Variants in HS3ST6 observed in about 807,000 individuals in gnomAD.
The protein encoded by HS3ST6 is heparan sulfate-glucosamine 3-sulfotransferase 6.
A neutral mutation model predicts 11.0 loss-of-function variants in HS3ST6; 13 were observed. The observed-to-expected ratio is 1.18, with a 90% confidence interval of 0.77 to 1.88. The LOEUF is 1.88. HS3ST6 is among the 40% of genes most tolerant of loss of function. The probability of loss-of-function intolerance (pLI) is 0.00; values close to 1 mark genes in which losing one functional copy is unlikely to be tolerated. For missense variants in HS3ST6, 541 were observed against 494.4 expected, an observed-to-expected ratio of 1.09 and a Z score of -0.89; for synonymous variants, 232 against 230.6, an observed-to-expected ratio of 1.01 and a Z score of -0.06.
In HS3ST6 at chr16:1,911,645, C is replaced by G; in HGVS notation, c.974G>C (p.Arg325Pro). ...ALVRRLQEFY[R>P]PFNRRFYQMT... ...CTGGTAGAACCTGCGGTTGAAGGGC[C>G]GGTAGAACTCCTGCAGGCGCCGGAC... The change falls in exon 2 of 2, where the codon CGG becomes CCG. Residue 325 changes from arginine to proline, a missense_variant. Coordinates refer to ENST00000454677, the MANE Select transcript of HS3ST6 (RefSeq NM_001009606.4). 1 of 1,609,516 alleles carries G rather than the reference C, an allele frequency of 6.2e-7. No individual in the cohort carries two copies. The highest frequency in any genetic ancestry group is 1.1e-5 in the South Asian group (1 of 90,628).
At position 1,912,043 on chromosome 16, in the gene HS3ST6, G is replaced by T; in HGVS notation, c.576C>A (p.Ala192=). 6.6e-7 allele frequency: 1 copy of T among 1,520,342 alleles called. No homozygotes were observed. Among genetic ancestry groups the T allele is most frequent in the Non-Finnish European group, 8.8e-7 (1 of 1,135,998 alleles). The allele number at this position is 1,520,342 out of a possible 1,614,324, so 94.2% of individuals were successfully genotyped here. A position where few individuals can be genotyped will look rare whatever the true frequency, so the allele number is the denominator to read the frequency against. The change falls in exon 2 of 2, where the codon GCC becomes GCA. Residue 192 remains alanine (A), a synonymous_variant. Coordinates refer to ENST00000454677, the MANE Select transcript of HS3ST6 (RefSeq NM_001009606.4). This position sits in a 1 kb window ranked among gnomAD's most constrained non-coding sequence, Gnocchi z 5.6. ...NPVTRAISDY[A]QTLSKTPGLP... ...GGCCCGGGGTCTTGGAGAGCGTCTGGGCGTAGTCGGAGATGGCCCGGGTCA... is the reference window on the plus strand; with the variant it reads ...GGCCCGGGGTCTTGGAGAGCGTCTGTGCGTAGTCGGAGATGGCCCGGGTCA...
upstream of HS3ST6, among the ~76,000 whole-genome samples, chr16:1,920,280 A>C (rs1183922156): frequency 3.7e-4 from 51 of 136,212 alleles, 1 homozygote; most frequent in African/African-American, 1.4e-3. Context: ...CCACGGTCTC[A>C]GGAGCCCCCA....
upstream of HS3ST6, among the ~76,000 whole-genome samples, chr16:1,919,481 C>T (rs1042895713): frequency 1.2e-4 from 18 of 152,226 alleles, no homozygotes; most frequent in East Asian, 5.8e-4. Context: ...GTATGAGACC[C>T]GGGTCCTCTC....
chr16:1,913,626 C>G (rs911876080), intron 1 of HS3ST6, among the ~76,000 whole-genome samples: 3 of 152,176 alleles, frequency 2.0e-5, no homozygotes, highest in Non-Finnish European at 2.9e-5. Context: ...CCAGTCACGC[C>G]CAGCCCTGAC....
rs904611195 is a variant in HS3ST6, at chr16:1,912,795, CTTTA to C, written c.414-594_414-591del. On this transcript the variant is annotated intron_variant, in intron 1 of 1. Coordinates refer to ENST00000454677, the MANE Select transcript of HS3ST6 (RefSeq NM_001009606.4). This position sits in a 1 kb window ranked among gnomAD's most constrained non-coding sequence, Gnocchi z 5.6. ...CTGATGTAATTACATCTCTTCCCAT[CTTTA>C]TTTATTTTTTGAGACGGAGTCTTGC... Among the ~76,000 whole-genome samples the C allele has an allele frequency of 3.9e-5, 6 of 152,128 alleles. No homozygotes were observed. Among genetic ancestry groups the C allele is most frequent in the African/African-American group, 1.2e-4 (5 of 41,528 alleles).
chr16:1,911,944 G>A lies in HS3ST6; in HGVS notation c.675C>T (p.Ile225=), dbSNP rs760591748. The change falls in exon 2 of 2, where the codon ATC becomes ATT. Residue 225 remains isoleucine, a synonymous_variant. Transcript: ENST00000454677. ...GGTCCAGGTGCTGGGCGTACAGGCC[G>A]ATGCGGACGGCGCTCCAGGCTGTGT... ...PVDTAWSAVR[I]GLYAQHLDHW... is the part of the protein sequence containing the mutation. 8.2e-6 allele frequency: 13 copies of A among 1,585,170 alleles called. No homozygotes were observed. Among genetic ancestry groups the A allele is most frequent in the Middle Eastern group, 1.7e-4 (1 of 5,946 alleles).
rs1213174627 is a variant in HS3ST6 at position 1,918,009 on chromosome 16, G to C, written c.315C>G (p.Ala105=). 5 of 1,543,688 alleles carry C rather than the reference G, an allele frequency of 3.2e-6. No homozygotes were observed. In the Admixed American group the frequency reaches 9.6e-5, roughly 30 times the overall value. ...IVGVKKGGTR[A]LLEFLRLHPD... is the part of the protein sequence containing the mutation. Reference sequence around the variant, plus strand: ...GGTGCAGCCGCAGAAACTCCAGCAGGGCGCGCGTGCCGCCCTTCTTCACGC... The same window carrying C: ...GGTGCAGCCGCAGAAACTCCAGCAGCGCGCGCGTGCCGCCCTTCTTCACGC... Residue 105 remains alanine, a synonymous_variant, in exon 1 of 2, where the codon GCC becomes GCG. Coordinates refer to ENST00000454677, the MANE Select transcript of HS3ST6 (RefSeq NM_001009606.4). The surrounding 1 kb of genome is among the most constrained non-coding windows in gnomAD (Gnocchi z 6.0).
chr16:1,911,621 T>TGG lies in HS3ST6; in HGVS notation c.996_997dup (p.Gln333ProfsTer3). On this transcript the variant is annotated frameshift_variant, in exon 2 of 2. Coordinates refer to ENST00000454677, the MANE Select transcript of HS3ST6 (RefSeq NM_001009606.4). LOFTEE classifies it high-confidence loss of function. ...CCAGCCGAAGTCCTGGCCCGTCATC[T>TGG]GGTAGAACCTGCGGTTGAAGGGCCG... 2 of 1,607,682 alleles carry TGG rather than the reference T, an allele frequency of 1.2e-6. No homozygotes were observed. The highest frequency in any genetic ancestry group is 1.7e-6 in the Non-Finnish European group (2 of 1,177,264).
rs1163718732 is a variant in HS3ST6, at chr16:1,912,627, C to A, written c.414-422G>T. Among the ~76,000 whole-genome samples, 2 of 152,084 alleles carry A rather than the reference C, an allele frequency of 1.3e-5. No homozygotes were observed. Among genetic ancestry groups the A allele is most frequent in the African/African-American group, 4.8e-5 (2 of 41,424 alleles). ...CCCCAGCTCCTTTCTCATCCCAGAC[C>A]AAGTACCCCGAGGCCCGCCCGCCTA... On this transcript the variant is annotated intron_variant, in intron 1 of 1. Transcript: ENST00000454677. The surrounding 1 kb of genome is among the most constrained non-coding windows in gnomAD (Gnocchi z 5.6).
upstream of HS3ST6, among the ~76,000 whole-genome samples, chr16:1,919,707 A>G (rs1158574866): frequency 2.0e-5 from 3 of 152,184 alleles, no homozygotes; most frequent in Non-Finnish European, 2.9e-5. Context: ...ACCCACAGAC[A>G]TTCCGGAGCT....
upstream of HS3ST6, among the ~76,000 whole-genome samples, chr16:1,920,434 G>C (rs1399071699): frequency 6.6e-6 from 1 of 151,794 alleles, no homozygotes; most frequent in African/African-American, 2.4e-5. Context: ...CATCCCCACG[G>C]TCTCAGCCGT....
rs748783287 is a variant in HS3ST6 at position 1,911,778 on chromosome 16, T to A, written c.841A>T (p.Asn281Tyr). 1 of 1,613,778 alleles carries A rather than the reference T, an allele frequency of 6.2e-7. No homozygotes were observed. The highest frequency in any genetic ancestry group is 8.5e-7 in the Non-Finnish European group (1 of 1,179,824). The change falls in exon 2 of 2, where the codon AAC becomes TAC. Residue 281 changes from asparagine (N) to tyrosine (Y), a missense_variant. Coordinates refer to ENST00000454677, the MANE Select transcript of HS3ST6 (RefSeq NM_001009606.4). ...AGGCAGGGGAAGCCCTTGGTGGCGT[T>A]GAAGTAGAAGTGCTTGTCCGTGACG... ...RVVTDKHFYF[N>Y]ATKGFPCLKK... is the part of the protein sequence containing the mutation.
chr16:1,918,887 G>T (rs970026409), upstream of HS3ST6, among the ~76,000 whole-genome samples: 1 of 152,212 alleles, frequency 6.6e-6, no homozygotes, highest in African/African-American at 2.4e-5. The surrounding 1 kb of genome is among the most constrained non-coding windows in gnomAD (Gnocchi z 6.0). Context: ...TGCCAAGGGA[G>T]AAAGAGGCCG....
upstream of HS3ST6, among the ~76,000 whole-genome samples, chr16:1,920,700 G>A (rs1406809479): frequency 6.6e-6 from 1 of 152,156 alleles, no homozygotes; most frequent in Non-Finnish European, 1.5e-5. Context: ...CAGGGAGAGA[G>A]AGATGCAGGG....
intron 1 of HS3ST6, among the ~76,000 whole-genome samples, chr16:1,913,210 C>T (rs1157306187): frequency 6.6e-6 from 1 of 152,236 alleles, no homozygotes; most frequent in South Asian, 2.1e-4. Context: ...GACGTGGCGG[C>T]GCCGGCCGGA....
At position 1,912,747 on chromosome 16, in the gene HS3ST6, G is replaced by A. The variant is rs190543252; in HGVS notation, c.414-542C>T. 6.3e-4 allele frequency among the ~76,000 whole-genome samples: 96 copies of A among 151,378 alleles called. No individual in the cohort carries two copies. The highest frequency in any genetic ancestry group is 1.9e-3 in the Admixed American group (29 of 15,234). ...GACAGTGTGTCCTCAACCAAAAGTA[G>A]TCCTCCCTGCTCCCTCCCTCCCCTG... is the stretch of plus-strand genomic sequence containing the variant. On this transcript the variant is annotated intron_variant, in intron 1 of 1. Coordinates refer to ENST00000454677, the MANE Select transcript of HS3ST6 (RefSeq NM_001009606.4). This position sits in a 1 kb window ranked among gnomAD's most constrained non-coding sequence, Gnocchi z 5.6.
At chr16:1,913,245 G>A (rs1055563773) in intron 1 of HS3ST6, among the ~76,000 whole-genome samples, 6 of 152,220 alleles carry the variant, frequency 3.9e-5, no homozygotes, top group Non-Finnish European at 7.3e-5. Flanking sequence ...ACCCTGGGCC[G>A]CTGTGGCCCC....
intron 1 of HS3ST6, among the ~76,000 whole-genome samples, chr16:1,913,045 G>C (rs1486262980): frequency 6.6e-6 from 1 of 152,180 alleles, no homozygotes; most frequent in Non-Finnish European, 1.5e-5. Flanking sequence ...GCCTGCCTCA[G>C]CCTCCCAAAG....
At chr16:1,919,016 G>T (rs2082946786), upstream of HS3ST6, among the ~76,000 whole-genome samples, 1 of 152,212 alleles carries the variant, frequency 6.6e-6, no homozygotes, top group Non-Finnish European at 1.5e-5. Flanking sequence ...CAGCCTGGCC[G>T]CTGAGAGGTC....
Sources: gnomAD v4.1 joint callset for allele counts (sites outside exome capture counted in the v4.1 genomes callset) on GRCh38, gnomAD v4.1.1 for gene constraint, Gnocchi (gnomAD v3.1) non-coding constraint, MANE v1.5 for transcripts, NCBI Gene and HGNC (gene_info 2026-07-23, HGNC 2026-07-21) for gene names.